The following KLHL8 variants were observed in gnomAD, a reference collection of about 807,000 sequenced individuals.
KLHL8 encodes kelch like family member 8.
KLHL8 carries 38 observed loss-of-function variants against 63.5 expected under a neutral mutation model. The ratio of observed to expected loss-of-function variants is 0.60; its 90% CI spans 0.46 to 0.78. The LOEUF (loss-of-function observed/expected upper bound fraction) is 0.78. Among genes scored for constraint, KLHL8 ranks in the 30% least tolerant of loss-of-function variants. The pLI, the probability that KLHL8 is intolerant of heterozygous loss-of-function variation, is 0.00. For synonymous variants in KLHL8, 224 were observed against 254.3 expected, an observed-to-expected ratio of 0.88 and a Z score of 1.13; for missense variants, 566 against 752.4, an observed-to-expected ratio of 0.75 and a Z score of 2.90.
chr4:87,169,054 C>A lies in KLHL8; in HGVS notation c.1537+1025G>T, dbSNP rs140801498. On this transcript the variant is annotated intron_variant, in intron 8 of 9. Transcript: ENST00000273963. ...GTGTGGTGGCTCATGCCTGTAATCC[C>A]AGCACTTTGGGAGGCCAAGGCAGGA... Among the ~76,000 whole-genome samples, 53 of 151,978 alleles carry A rather than the reference C, an allele frequency of 3.5e-4. No individual in the cohort carries two copies. The East Asian group carries it at 9.7e-3, about 28-fold the overall frequency.
intron 5 of KLHL8, 28 bp downstream of exon 5, chr4:87,178,449 A>G (rs761924577): frequency 7.0e-6 from 11 of 1,575,108 alleles, no homozygotes; most frequent in Non-Finnish European, 9.4e-6. Flanking sequence ...TTGTGATCAT[A>G]TGATATTTCA....
intron 1 of KLHL8, among the ~76,000 whole-genome samples, chr4:87,230,109 A>T (rs1225963066): frequency 6.6e-6 from 1 of 152,146 alleles, no homozygotes; most frequent in Non-Finnish European, 1.5e-5. Flanking sequence ...AGGCAGCTGC[A>T]AGGAATAATG....
chr4:87,238,817 C>G (rs1733279609), intron 1 of KLHL8, among the ~76,000 whole-genome samples: 1 of 152,138 alleles, frequency 6.6e-6, no homozygotes, highest in African/African-American at 2.4e-5. Flanking sequence ...GCTCAAGCAT[C>G]CATAATTTTT....
chr4:87,230,347 C>G (rs1733112799), intron 1 of KLHL8, among the ~76,000 whole-genome samples: 1 of 152,186 alleles, frequency 6.6e-6, no homozygotes, highest in Non-Finnish European at 1.5e-5. Context: ...GGGACAAGGA[C>G]TTCTGTCAAT....
chr4:87,214,448 ATATATATATAT>A (rs1732520699), intron 1 of KLHL8, among the ~76,000 whole-genome samples: 1 of 97,358 alleles, frequency 1.0e-5, no homozygotes, highest in African/African-American at 4.2e-5. Context: ...ATATATATAT[ATATATATATAT>A]AATTGTCATC....
At chr4:87,170,370 G>A in intron 7 of KLHL8, 77 bp downstream of exon 7, 1 of 1,455,694 alleles carries the variant, frequency 6.9e-7, no homozygotes, top group Non-Finnish European at 9.4e-7. Flanking sequence ...TACTGGTGAT[G>A]ATATATTGGA....
At chr4:87,215,944 C>A (rs1732579005) in intron 1 of KLHL8, among the ~76,000 whole-genome samples, 1 of 152,138 alleles carries the variant, frequency 6.6e-6, no homozygotes, top group Admixed American at 6.5e-5. Context: ...TATCATACAA[C>A]AGATTATGTA....
upstream of KLHL8, among the ~76,000 whole-genome samples, chr4:87,223,124 T>TGTTTG (rs2110064277): frequency 2.5e-5 from 1 of 40,570 alleles, no homozygotes; most frequent in African/African-American, 6.9e-5. Context: ...CTAATTTTTT[T>TGTTTG]GTTTGTTTTG....
At chr4:87,175,934 C>T (rs1207554539) in intron 6 of KLHL8, among the ~76,000 whole-genome samples, 2 of 152,092 alleles carry the variant, frequency 1.3e-5, no homozygotes, top group Non-Finnish European at 2.9e-5. Context: ...TAGCAAAACA[C>T]TAGATACTTT....
intron 1 of KLHL8, among the ~76,000 whole-genome samples, chr4:87,212,586 GA>G (rs551344649): frequency 1.8e-3 from 261 of 145,966 alleles, no homozygotes; most frequent in Middle Eastern, 7.0e-3. Context: ...ATCTCAAAAA[GA>G]AAAAAAAAAA....
intron 1 of KLHL8, among the ~76,000 whole-genome samples, chr4:87,235,884 G>A (rs114889370): frequency 0.011 from 1,660 of 152,212 alleles, 24 homozygotes; most frequent in African/African-American, 0.025. Context: ...TGCGGGCCGC[G>A]GGGCGGGTCG....
intron 1 of KLHL8, among the ~76,000 whole-genome samples, chr4:87,216,588 C>T (rs984349594): frequency 5.3e-5 from 8 of 152,104 alleles, no homozygotes; most frequent in Admixed American, 3.3e-4. Context: ...TTTATGCTCA[C>T]GCTAACAGAT....
rs1291282350 is a variant in KLHL8 at position 87,163,465 on chromosome 4, G to T, written c.*54C>A. 9 of 1,578,388 alleles carry T rather than the reference G, an allele frequency of 5.7e-6. No individual in the cohort carries two copies. In the East Asian group the frequency reaches 1.8e-4, roughly 32 times the overall value. The stretch of plus-strand genomic sequence containing the variant: ...GAAAGGTGGTCATATCAAAATCTTG[G>T]TTTTCTTTTGTACCTATCAGATATG... On this transcript the variant is annotated 3_prime_UTR_variant, in exon 10 of 10. Coordinates refer to ENST00000273963, the MANE Select transcript of KLHL8 (RefSeq NM_020803.5).
intron 1 of KLHL8, among the ~76,000 whole-genome samples, chr4:87,206,127 T>C (rs1578393467): frequency 1.3e-5 from 2 of 152,178 alleles, no homozygotes; most frequent in Non-Finnish European, 2.9e-5. Flanking sequence ...TTCTCCTGGA[T>C]TCTACTTGGA....
At chr4:87,189,698 A>G (rs1731403755) in intron 2 of KLHL8, among the ~76,000 whole-genome samples, 1 of 152,018 alleles carries the variant, frequency 6.6e-6, no homozygotes, top group South Asian at 2.1e-4. Flanking sequence ...AAGAGTTAAC[A>G]TTTATTTTGT....
At chr4:87,195,206 C>A in intron 2 of KLHL8, 118 bp downstream of exon 2, 1 of 688,442 alleles carries the variant, frequency 1.5e-6, no homozygotes, top group South Asian at 1.9e-5. Flanking sequence ...AGACTAAAAG[C>A]ATTCTGACTG....
chr4:87,228,446 T>G (rs1733072314), intron 1 of KLHL8, among the ~76,000 whole-genome samples: 1 of 152,202 alleles, frequency 6.6e-6, no homozygotes, highest in African/African-American at 2.4e-5. Context: ...TGGTTAATAT[T>G]GGATTGCATA....
At chr4:87,177,504 C>G (rs1247677938) in intron 5 of KLHL8, among the ~76,000 whole-genome samples, 1 of 150,252 alleles carries the variant, frequency 6.7e-6, no homozygotes, top group Non-Finnish European at 1.5e-5. Context: ...AACTTCATCT[C>G]AAAAAAAACA....
intron 1 of KLHL8, among the ~76,000 whole-genome samples, chr4:87,213,141 C>T (rs919500242): frequency 1.3e-5 from 2 of 152,120 alleles, no homozygotes; most frequent in African/African-American, 4.8e-5. Context: ...GTAATCATTT[C>T]CTTGTTTGAA....
Sources: allele counts gnomAD v4.1 joint callset (sites outside exome capture counted in the v4.1 genomes callset), GRCh38; gene constraint gnomAD v4.1.1; transcripts MANE v1.5; gene names NCBI Gene and HGNC (gene_info 2026-07-23, HGNC 2026-07-21).